Variants in RDH13 observed in about 807,000 individuals in gnomAD.
RDH13 encodes the protein retinol dehydrogenase 13 (all-trans and 9-cis).
In RDH13, 35 loss-of-function variants were observed where a neutral mutation model predicts 28.3. That is an observed-to-expected ratio of 1.24 (90% CI 0.95 to 1.64). The LOEUF (loss-of-function observed/expected upper bound fraction) is 1.64. Among genes scored for constraint, RDH13 ranks in the 40% most tolerant of loss-of-function variants. The pLI is 0.00. For missense variants in RDH13, 514 were observed against 446.3 expected (o/e 1.15, Z -1.37); for synonymous variants, 229 against 198.5 (o/e 1.15, Z -1.29).
intron 3 of RDH13, among the ~76,000 whole-genome samples, chr19:55,051,185 C>G (rs1005911041): frequency 4.6e-5 from 7 of 152,164 alleles, no homozygotes; most frequent in Non-Finnish European, 1.0e-4. Context: ...GAGCCACTTC[C>G]ACTCGTGAGA....
intron 1 of RDH13, among the ~76,000 whole-genome samples, chr19:55,062,517 G>A (rs1654454): frequency 0.76 from 115,863 of 151,938 alleles, 44,347 homozygotes; most frequent in East Asian, 0.94. Context: ...CCCCGTCTCT[G>A]CGAAAAATAC....
At chr19:55,047,656 A>G (rs942232748) in intron 5 of RDH13, among the ~76,000 whole-genome samples, 168 bp from the exon 6 acceptor site, 5 of 152,058 alleles carry the variant, frequency 3.3e-5, no homozygotes, top group African/African-American at 9.7e-5. Context: ...TATCTTGCGG[A>G]GCGGCTCTGC....
intron 1 of RDH13, among the ~76,000 whole-genome samples, chr19:55,061,837 GC>G (rs58200074): frequency 0.022 from 3,335 of 151,538 alleles, 56 homozygotes; most frequent in Non-Finnish European, 0.034. Context: ...CCTTCACTTG[GC>G]CGGGCACGGT....
intron 3 of RDH13, among the ~76,000 whole-genome samples, chr19:55,049,141 C>G (rs559410454): frequency 6.6e-6 from 1 of 152,282 alleles, no homozygotes; most frequent in African/African-American, 2.4e-5. Flanking sequence ...TGCCGGCTTC[C>G]GGAACCGTGA....
upstream of RDH13, chr19:55,063,360 C>CGCTA: frequency 3.0e-6 from 1 of 330,772 alleles, no homozygotes. Flanking sequence ...GCGTATAAGG[C>CGCTA]GCTACGCAGT....
Position 55,044,871 on chromosome 19 carries a change from G to A in RDH13, c.*203C>T. 3 of 524,590 alleles carry A rather than the reference G, an allele frequency of 5.7e-6. No homozygotes were observed. The highest frequency in any genetic ancestry group is 1.0e-5 in the Non-Finnish European group (3 of 298,872). The allele number at this position is 524,590 out of a possible 1,614,324, so 32.5% of individuals were successfully genotyped here. A position where few individuals can be genotyped will look rare whatever the true frequency, so the allele number is the denominator to read the frequency against. On this transcript the variant is annotated 3_prime_UTR_variant, in exon 7 of 7. Transcript: ENST00000415061. ...CCTCTCCCCTGCTGGCAGCAGAGCA[G>A]ACGGAACCAGCCAGAGCCCAGGGCA...
intron 1 of RDH13, among the ~76,000 whole-genome samples, chr19:55,059,594 G>C (rs1474399001): frequency 2.0e-5 from 3 of 147,130 alleles, no homozygotes; most frequent in African/African-American, 7.8e-5. Context: ...GGTGGGGGGG[G>C]GCGGGGGCGG....
Position 55,045,241 on chromosome 19 carries a change from C to T in RDH13, c.829G>A (p.Ala277Thr), listed in dbSNP as rs1051926474. 6.2e-7 allele frequency: 1 copy of T among 1,613,298 alleles called. No individual in the cohort carries two copies. The highest frequency in any genetic ancestry group is 1.3e-5 in the African/African-American group (1 of 74,940). Residue 277 changes from alanine (A) to threonine (T), a missense_variant, in exon 7 of 7, where the codon GCG becomes ACG. Physicochemically the swap from Ala to Thr is moderately conservative, Grantham distance 58. Coordinates refer to ENST00000415061, the MANE Select transcript of RDH13 (RefSeq NM_001145971.2). ...AAQPSTYLAV[A>T]EELADVSGKY... ...CCGGAAACATCCGCCAGTTCCTCCG[C>T]CACGGCCAGGTATGTGCTGGGCTGG...
At position 55,048,658 on chromosome 19, in the gene RDH13, C is replaced by T; in HGVS notation, c.445+1G>A. The T allele has an allele frequency of 1.2e-6, 2 of 1,613,718 alleles. No individual in the cohort carries two copies. The highest frequency in any genetic ancestry group is 1.7e-6 in the Non-Finnish European group (2 of 1,179,816). ...TGGTGCAGCCCCTGCCCAGGCCTCACCCAGGTGGTTAACGCCAAACTGCAT... is the reference window on the plus strand; with the variant it reads ...TGGTGCAGCCCCTGCCCAGGCCTCATCCAGGTGGTTAACGCCAAACTGCAT... On this transcript the variant is annotated splice_donor_variant, in intron 4 of 6. Transcript: ENST00000415061. LOFTEE classifies it high-confidence loss of function.
chr19:55,055,851 TCAAA>T (rs1371713130), intron 3 of RDH13, among the ~76,000 whole-genome samples: 3 of 151,014 alleles, frequency 2.0e-5, no homozygotes, highest in East Asian at 4.0e-4. Context: ...GGATCCTGTC[TCAAA>T]CAAACTAATT....
upstream of RDH13, among the ~76,000 whole-genome samples, chr19:55,064,793 A>T (rs975639491): frequency 3.3e-5 from 5 of 149,892 alleles, no homozygotes; most frequent in Non-Finnish European, 7.4e-5. Flanking sequence ...TTGTATTTTT[A>T]GTAGAGACGG....
In RDH13 at chr19:55,053,528, C is replaced by T. The variant is rs1055005615; in HGVS notation, c.340+3125G>A. Reference sequence around the variant, plus strand: ...AAAATTAGCCGGGCGTGGTGGCAGGCGCCTGTAGTCCCCCGCCACTCGGGA... The same window carrying T: ...AAAATTAGCCGGGCGTGGTGGCAGGTGCCTGTAGTCCCCCGCCACTCGGGA... On this transcript the variant is annotated intron_variant, in intron 3 of 6. Transcript: ENST00000415061. 1.1e-4 allele frequency among the ~76,000 whole-genome samples: 16 copies of T among 151,964 alleles called. No homozygotes were observed. In the East Asian group the frequency reaches 2.1e-3, roughly 20 times the overall value.
chr19:55,066,116 T>C (rs1194704417), upstream of RDH13, among the ~76,000 whole-genome samples: 1 of 152,178 alleles, frequency 6.6e-6, no homozygotes, highest in East Asian at 1.9e-4. Context: ...AATATGGTTA[T>C]TATAAAGAGA....
chr19:55,048,329 C>T lies in RDH13; in HGVS notation c.658G>A (p.Gly220Ser), dbSNP rs1263407816. 2 of 1,614,106 alleles carry T rather than the reference C, an allele frequency of 1.2e-6. No individual in the cohort carries two copies. Among genetic ancestry groups the T allele is most frequent in the South Asian group, 2.2e-5 (2 of 91,074 alleles). Residue 220 changes from glycine (G) to serine (S), a missense_variant and splice_region_variant, in exon 5 of 7, where the codon GGC becomes AGC. Transcript: ENST00000415061. ...FTKELSRRLQ[G>S]SGVTVNALHP... ...GAGGCCGAGCCTAGCGCCCCCGTAC[C>T]TTGCAGCCGCCGGCTCAGCTCCTTG...
Position 55,044,325 on chromosome 19 carries a change from T to C in RDH13, c.*749A>G, listed in dbSNP as rs1009104892. On this transcript the variant is annotated 3_prime_UTR_variant, in exon 7 of 7. Transcript: ENST00000415061. ...AAATCTACGACTCGGGTACATTTTCTTCTTTTTTTTTTCTTTTAAATGAGC... is the reference window on the plus strand; with the variant it reads ...AAATCTACGACTCGGGTACATTTTCCTCTTTTTTTTTTCTTTTAAATGAGC... 3.4e-5 allele frequency: 5 copies of C among 148,978 alleles called. No individual in the cohort carries two copies. The highest frequency in any genetic ancestry group is 1.2e-4 in the African/African-American group (5 of 40,848). The allele number at this position is 148,978 out of a possible 1,614,324, so 9.2% of individuals were successfully genotyped here. A position where few individuals can be genotyped will look rare whatever the true frequency, so the allele number is the denominator to read the frequency against.
chr19:55,068,064 ATCTC>A (rs761037066), upstream of RDH13, among the ~76,000 whole-genome samples: 14 of 84,422 alleles, frequency 1.7e-4, no homozygotes, highest in East Asian at 2.9e-3. Flanking sequence ...TTTCTCCCCC[ATCTC>A]TCTTTCTCTC....
chr19:55,054,751 A>C (rs1257870576), intron 3 of RDH13, among the ~76,000 whole-genome samples: 1 of 92,236 alleles, frequency 1.1e-5, no homozygotes. Flanking sequence ...TTTTTTTTTT[A>C]ATCTTTGGTA....
At chr19:55,066,712 T>C (rs2075970011), upstream of RDH13, among the ~76,000 whole-genome samples, 1 of 151,470 alleles carries the variant, frequency 6.6e-6, no homozygotes, top group South Asian at 2.1e-4. Flanking sequence ...TTCCTCTCTC[T>C]CTTCTTGTGT....
At chr19:55,060,649 T>C (rs528620489) in intron 1 of RDH13, among the ~76,000 whole-genome samples, 8 of 152,064 alleles carry the variant, frequency 5.3e-5, no homozygotes, top group Admixed American at 1.3e-4. Flanking sequence ...CCCACCCAAC[T>C]AGAAATACCC....
Sources: gnomAD v4.1 joint callset for allele counts (sites outside exome capture counted in the v4.1 genomes callset) on GRCh38, gnomAD v4.1.1 for gene constraint, MANE v1.5 for transcripts, NCBI Gene and HGNC (gene_info 2026-07-23, HGNC 2026-07-21) for gene names.